Variants in VSIR observed in about 807,000 individuals in gnomAD.
VSIR encodes V-type immunoglobulin domain-containing suppressor of T-cell activation.
Under a neutral mutation model 31.0 loss-of-function variants are expected in VSIR, and 10 were observed. That is an observed-to-expected ratio of 0.32 (90% CI 0.20 to 0.55). VSIR has a LOEUF of 0.55. VSIR is among the 20% of genes least tolerant of loss of function. The pLI, the probability that VSIR is intolerant of heterozygous loss-of-function variation, is 0.93. For missense variants in VSIR, 356 were observed against 416.2 expected, an observed-to-expected ratio of 0.86 and a Z score of 1.26; for synonymous variants, 179 against 180.1, an observed-to-expected ratio of 0.99 and a Z score of 0.05.
At chr10:71,764,328 C>T (rs982191992) in intron 1 of VSIR, among the ~76,000 whole-genome samples, 16 of 152,012 alleles carry the variant, frequency 1.1e-4, no homozygotes, top group Admixed American at 2.6e-4. Flanking sequence ...AGAGAACTTA[C>T]GTAACTCACT....
intron 3 of VSIR, among the ~76,000 whole-genome samples, chr10:71,758,655 C>A (rs1840211804): frequency 6.6e-6 from 1 of 152,174 alleles, no homozygotes; most frequent in East Asian, 1.9e-4. Context: ...TGAGCTTGGG[C>A]AAGTTAGCAT....
chr10:71,761,599 T>G lies in VSIR; in HGVS notation c.510A>C (p.Thr170=), dbSNP rs1227176526. The G allele has an allele frequency of 1.1e-5, 18 of 1,581,208 alleles. No homozygotes were observed. Among genetic ancestry groups the G allele is most frequent in the Non-Finnish European group, 1.5e-5 (17 of 1,163,180 alleles). The stretch of plus-strand genomic sequence containing the variant: ...CTGTCACGTGCAGGATGCCCTCACC[T>G]GTCTGCACCTGCAGCTCCATGGCAC... The part of the protein sequence containing the change: ...VHGAMELQVQ[T]GKDAPSNCVV... Residue 170 remains threonine (T), a splice_region_variant and synonymous_variant, in exon 2 of 7, where the codon ACA becomes ACC. Coordinates refer to ENST00000394957, the MANE Select transcript of VSIR (RefSeq NM_022153.2).
At chr10:71,760,002 CATAT>C (rs199501498) in intron 3 of VSIR, among the ~76,000 whole-genome samples, 1 of 52,690 alleles carries the variant, frequency 1.9e-5, no homozygotes, top group Non-Finnish European at 4.9e-5. Context: ...CACACACATA[CATAT>C]ATATACACAC....
chr10:71,763,011 G>A (rs9415040), intron 1 of VSIR, among the ~76,000 whole-genome samples: 76,020 of 152,008 alleles, frequency 0.5, 19,891 homozygotes, highest in Middle Eastern at 0.65. Context: ...CTAACTGTAT[G>A]AGCCTCAGTT....
At chr10:71,759,946 CATATATATACACACACAT>C (rs1840278477) in intron 3 of VSIR, among the ~76,000 whole-genome samples, 1 of 93,176 alleles carries the variant, frequency 1.1e-5, no homozygotes, top group Non-Finnish European at 2.6e-5. Context: ...TACACACACA[CATATATATACACACACAT>C]ATATATACAC....
chr10:71,770,970 AAGAGCTGACCATTGCTGCGTC>A, intron 1 of VSIR, among the ~76,000 whole-genome samples: 1 of 152,318 alleles, frequency 6.6e-6, no homozygotes, highest in East Asian at 1.9e-4. Context: ...TGGATTTCCT[AAGAGCTGACCATTGCTGCGTC>A]AGAGGCTTGC....
chr10:71,755,598 C>T, intron 3 of VSIR, 132 bp from the exon 4 acceptor site: 2 of 795,760 alleles, frequency 2.5e-6, no homozygotes, highest in South Asian at 1.6e-5. Context: ...AGCTAGACCC[C>T]CAGCAACCTA....
At chr10:71,763,460 T>C (rs971322908) in intron 1 of VSIR, among the ~76,000 whole-genome samples, 1 of 152,138 alleles carries the variant, frequency 6.6e-6, no homozygotes, top group African/African-American at 2.4e-5. Context: ...TGCCACATCC[T>C]CCTTCAGATG....
chr10:71,761,066 C>T, intron 2 of VSIR, 142 bp from the exon 3 acceptor site: 1 of 771,160 alleles, frequency 1.3e-6, no homozygotes, highest in Admixed American at 2.1e-5. Context: ...GCAGCCTGCA[C>T]ACGTGTGCAC....
intron 3 of VSIR, among the ~76,000 whole-genome samples, chr10:71,758,261 G>A (rs564071934): frequency 1.3e-5 from 2 of 152,314 alleles, no homozygotes; most frequent in South Asian, 2.1e-4. Context: ...GTTTTGTTGG[G>A]TCCGTGGTTT....
intron 1 of VSIR, among the ~76,000 whole-genome samples, chr10:71,764,570 T>C (rs1840482177): frequency 1.3e-5 from 2 of 152,204 alleles, no homozygotes; most frequent in South Asian, 4.1e-4. Context: ...AATCAGAAGA[T>C]AATGCTAAAC....
intron 1 of VSIR, 107 bp downstream of exon 1, chr10:71,773,251 T>C: frequency 7.7e-7 from 1 of 1,298,748 alleles, no homozygotes; most frequent in Non-Finnish European, 1.1e-6. Flanking sequence ...GGGTGCACGG[T>C]CACACAGGCT....
chr10:71,755,133 G>T, intron 4 of VSIR: 1 of 654,724 alleles, frequency 1.5e-6, no homozygotes, highest in South Asian at 1.5e-5. Context: ...AGCCAGCACT[G>T]CCTGGGAGCC....
intron 4 of VSIR, 46 bp downstream of exon 4, chr10:71,755,313 G>C (rs1194580209): frequency 6.6e-7 from 1 of 1,525,054 alleles, no homozygotes; most frequent in Non-Finnish European, 9.0e-7. Context: ...GGCTGGAGCA[G>C]GTCACTCGCA....
chr10:71,751,194 C>T lies in VSIR; in HGVS notation c.*59G>A, dbSNP rs376722288. 784 of 1,570,884 alleles carry T rather than the reference C, an allele frequency of 5.0e-4. 3 individuals carry two copies. The African/African-American group carries it at 8.1e-3, about 16-fold the overall frequency. ...AAGGAGGCCACTCACAGAGCCAGCCCTGGCTCAAATGCACCTGCCCCAGAC... is the reference window on the plus strand; with the variant it reads ...AAGGAGGCCACTCACAGAGCCAGCCTTGGCTCAAATGCACCTGCCCCAGAC... On this transcript the variant is annotated 3_prime_UTR_variant, in exon 7 of 7. Coordinates refer to ENST00000394957, the MANE Select transcript of VSIR (RefSeq NM_022153.2). This position sits in a 1 kb window ranked among gnomAD's most constrained non-coding sequence, Gnocchi z 4.9.
intron 4 of VSIR, among the ~76,000 whole-genome samples, chr10:71,754,395 T>A (rs1234921999): frequency 1.3e-5 from 2 of 152,060 alleles, no homozygotes; most frequent in Non-Finnish European, 2.9e-5. Flanking sequence ...GGAAATAAGT[T>A]GCGAGCCAAA....
In VSIR at chr10:71,760,191, GTATATACA is replaced by G. The variant is rs1370549486; in HGVS notation, c.568+669_568+676del. Reference sequence around the variant, plus strand: ...TACATATATATGTGTGTATATATATGTATATACATATATATGTGTGTATATATGTGTAT... The same window carrying G: ...TACATATATATGTGTGTATATATATGTATATATGTGTGTATATATGTGTAT... On this transcript the variant is annotated intron_variant, in intron 3 of 6. Coordinates refer to ENST00000394957, the MANE Select transcript of VSIR (RefSeq NM_022153.2). Among the ~76,000 whole-genome samples the G allele has an allele frequency of 1.8e-4, 11 of 61,246 alleles. 3 individuals are homozygous for G. Among genetic ancestry groups the G allele is most frequent in the African/African-American group, 6.0e-4 (6 of 10,070 alleles). The allele number at this position is 61,246 out of a possible 152,430, so 40.2% of individuals were successfully genotyped here. A position where few individuals can be genotyped will look rare whatever the true frequency, so the allele number is the denominator to read the frequency against.
intron 2 of VSIR, 77 bp downstream of exon 2, chr10:71,761,521 C>G (rs1218666920): frequency 6.3e-6 from 9 of 1,429,044 alleles, no homozygotes; most frequent in Non-Finnish European, 5.6e-6. Context: ...CTGCCCAGCA[C>G]AGTGTCATGA....
intron 1 of VSIR, among the ~76,000 whole-genome samples, chr10:71,767,060 G>A (rs1281780265): frequency 6.6e-6 from 1 of 152,208 alleles, no homozygotes. Flanking sequence ...GTTCCATCAG[G>A]GGCATCTGCT....
Sources: allele counts gnomAD v4.1 joint callset (sites outside exome capture counted in the v4.1 genomes callset), GRCh38; gene constraint gnomAD v4.1.1; non-coding constraint Gnocchi (gnomAD v3.1); transcripts MANE v1.5; gene names NCBI Gene and HGNC (gene_info 2026-07-23, HGNC 2026-07-21).